UTRN: variants seen among roughly 807,000 people sequenced by gnomAD.
UTRN encodes dystrophin-related protein 1.
UTRN carries 283 observed loss-of-function variants against 463.9 expected under a neutral mutation model. That is an observed-to-expected ratio of 0.61 (90% CI 0.55 to 0.67). The LOEUF (loss-of-function observed/expected upper bound fraction) is 0.67, where lower values mean the gene tolerates loss of function less well. Among genes scored for constraint, UTRN ranks in the 30% least tolerant of loss-of-function variants. The pLI, the probability that UTRN is intolerant of heterozygous loss-of-function variation, is 0.00. For missense variants in UTRN, 3,922 were observed against 4,084.3 expected (o/e 0.96, Z 1.08); for synonymous variants, 1,442 against 1,431.5 (o/e 1.01, Z -0.17).
At chr6:144,761,623 G>A (rs1240743598) in intron 58 of UTRN, among the ~76,000 whole-genome samples, 1 of 151,928 alleles carries the variant, frequency 6.6e-6, no homozygotes, top group Non-Finnish European at 1.5e-5. Flanking sequence ...TACAGTCTGG[G>A]CAACAGAGTG....
chr6:144,835,158 G>C (rs545577959), intron 69 of UTRN, among the ~76,000 whole-genome samples: 15 of 152,216 alleles, frequency 9.9e-5, no homozygotes, highest in Non-Finnish European at 2.1e-4. Flanking sequence ...TCATTAGACA[G>C]GTAGTTAGAT....
At chr6:144,456,477 A>G (rs1562427833) in intron 19 of UTRN, among the ~76,000 whole-genome samples, 1 of 151,884 alleles carries the variant, frequency 6.6e-6, no homozygotes, top group East Asian at 1.9e-4. Flanking sequence ...ACATGGTGAA[A>G]CCTCGTCTCT....
chr6:144,687,392 G>C (rs1209800687), intron 52 of UTRN, among the ~76,000 whole-genome samples: 1 of 152,102 alleles, frequency 6.6e-6, no homozygotes, highest in Non-Finnish European at 1.5e-5. Context: ...AAAACCAAAA[G>C]TGAGGAGTAG....
chr6:144,474,565 T>C (rs1478260690), intron 24 of UTRN, 39 bp from the exon 25 acceptor site: 5 of 1,578,396 alleles, frequency 3.2e-6, no homozygotes, highest in Non-Finnish European at 3.4e-6. Context: ...CATCCACTTA[T>C]ATAGTAATGA....
intron 51 of UTRN, among the ~76,000 whole-genome samples, chr6:144,616,266 A>C (rs139109194): frequency 0.01 from 1,570 of 152,332 alleles, 27 homozygotes; most frequent in African/African-American, 0.036. Context: ...CACACAGTTA[A>C]TTATAATTAC....
intron 60 of UTRN, among the ~76,000 whole-genome samples, chr6:144,775,380 A>T (rs540990216): frequency 6.6e-6 from 1 of 152,306 alleles, no homozygotes; most frequent in South Asian, 2.1e-4. Context: ...GGGCTGAAAG[A>T]CACCTCCAGA....
chr6:144,423,891 C>A lies in UTRN; in HGVS notation c.313-95C>A, dbSNP rs1485306021. 8 of 1,248,046 alleles carry A rather than the reference C, an allele frequency of 6.4e-6. No individual in the cohort carries two copies. In the South Asian group the frequency reaches 1.0e-4, roughly 16 times the overall value. 77.3% of individuals were successfully genotyped at this position (1,248,046 alleles called of 1,614,324 possible). A position where few individuals can be genotyped will look rare whatever the true frequency, so the allele number is the denominator to read the frequency against. ...AAATTTCTCTTATCTCTCACTTATA[C>A]TGCTGTCCAAATGTGCTAAAATAAA... On this transcript the variant is annotated intron_variant, in intron 5 of 74. Coordinates refer to ENST00000367545, the MANE Select transcript of UTRN (RefSeq NM_007124.3).
At chr6:144,771,837 T>C in intron 58 of UTRN, 70 bp from the exon 59 acceptor site, 1 of 1,275,920 alleles carries the variant, frequency 7.8e-7, no homozygotes, top group Non-Finnish European at 1.1e-6. Context: ...TACTTGGGTA[T>C]TTCGTTTTTG....
intron 53 of UTRN, among the ~76,000 whole-genome samples, chr6:144,718,834 T>C (rs1254040622): frequency 1.3e-5 from 2 of 152,146 alleles, no homozygotes; most frequent in Non-Finnish European, 2.9e-5. Flanking sequence ...AAAGAGGCCA[T>C]GGTGAGGGAG....
chr6:144,650,754 C>G (rs527366497), intron 51 of UTRN, among the ~76,000 whole-genome samples: 1 of 152,000 alleles, frequency 6.6e-6, no homozygotes, highest in Non-Finnish European at 1.5e-5. Context: ...ACTAAAAATA[C>G]GAAAATTAGC....
At chr6:144,344,354 A>T (rs1777396298) in intron 2 of UTRN, 2 of 1,303,380 alleles carry the variant, frequency 1.5e-6, no homozygotes, top group African/African-American at 3.0e-5. Context: ...TTTCTTAAGA[A>T]ACGTCTATGA....
rs777030462 is a variant in UTRN at position 144,605,433 on chromosome 6, G to T, written c.7479+28145G>T. On this transcript the variant is annotated intron_variant, in intron 51 of 74. Transcript: ENST00000367545. The stretch of plus-strand genomic sequence containing the variant: ...TTTGCTAGGCAGGGCATTGATAATA[G>T]AACTTCCTTTGCTGTTTCATTATGA... Among the ~76,000 whole-genome samples, 53 of 151,862 alleles carry T rather than the reference G, an allele frequency of 3.5e-4. 1 individual carries two copies. The highest frequency in any genetic ancestry group is 8.8e-5 in the Non-Finnish European group (6 of 67,998).
chr6:144,676,292 T>A (rs149037133), intron 51 of UTRN, among the ~76,000 whole-genome samples: 1 of 152,278 alleles, frequency 6.6e-6, no homozygotes, highest in African/African-American at 2.4e-5. Context: ...ATGCCAAATA[T>A]ATGTTTTTCG....
At chr6:144,631,012 A>G (rs1034904108) in intron 51 of UTRN, among the ~76,000 whole-genome samples, 1 of 151,952 alleles carries the variant, frequency 6.6e-6, no homozygotes, top group Admixed American at 6.6e-5. Flanking sequence ...ATGCAGTGGT[A>G]TTAGCGGTCA....
chr6:144,482,282 C>T lies in UTRN; in HGVS notation c.3581C>T (p.Ala1194Val), dbSNP rs1791966028. The change falls in exon 27 of 75, where the codon GCC (alanine) becomes GTC (valine). Residue 1194 changes from alanine to valine, a missense_variant. Coordinates refer to ENST00000367545, the MANE Select transcript of UTRN (RefSeq NM_007124.3). ...AAGGACAACATCAAGTTATTAGCTG[C>T]CAAGGTGCCCTCTGGTGGCCAGGAG... is the stretch of plus-strand genomic sequence containing the variant. ...ILKDNIKLLA[A>V]KVPSGGQELT... is the part of the protein sequence containing the mutation. The T allele has an allele frequency of 2.5e-6, 4 of 1,609,192 alleles. No individual in the cohort carries two copies. The highest frequency in any genetic ancestry group is 1.3e-5 in the African/African-American group (1 of 74,672).
intron 44 of UTRN, 117 bp downstream of exon 44, chr6:144,537,834 G>A (rs1345342398): frequency 2.9e-6 from 4 of 1,392,990 alleles, no homozygotes; most frequent in South Asian, 1.4e-5. Flanking sequence ...TTTGGTAAAT[G>A]TGGTGAACCT....
At chr6:144,830,704 ATTTGTTTTTTGTTT>A (rs140423388) in intron 69 of UTRN, among the ~76,000 whole-genome samples, 3 of 148,318 alleles carry the variant, frequency 2.0e-5, no homozygotes, top group African/African-American at 5.0e-5. Flanking sequence ...TTTGTCTGTG[ATTTGTTTTTTGTTT>A]TTTGTTTTTT....
At chr6:144,343,957 T>C (rs942381774) in intron 2 of UTRN, 1 of 245,922 alleles carries the variant, frequency 4.1e-6, no homozygotes, top group Non-Finnish European at 8.0e-6. Context: ...AGGCCCTTAG[T>C]TGTGACTATT....
At chr6:144,819,139 T>G (rs1586702503) in intron 65 of UTRN, among the ~76,000 whole-genome samples, 1 of 152,306 alleles carries the variant, frequency 6.6e-6, no homozygotes, top group South Asian at 2.1e-4. Context: ...CAAAGCCTGG[T>G]GATAGCATGG....
Sources: gnomAD v4.1 joint callset for allele counts (sites outside exome capture counted in the v4.1 genomes callset) on GRCh38, gnomAD v4.1.1 for gene constraint, MANE v1.5 for transcripts, NCBI Gene and HGNC (gene_info 2026-07-23, HGNC 2026-07-21) for gene names.